Variants in RBM38 observed in about 807,000 individuals in gnomAD.
The protein encoded by RBM38 is RNA-binding protein 38.
Under a neutral mutation model 23.5 loss-of-function variants are expected in RBM38, and 11 were observed. The ratio of observed to expected loss-of-function variants is 0.47; its 90% CI spans 0.29 to 0.77. The LOEUF (loss-of-function observed/expected upper bound fraction) is 0.77, where lower values mean the gene tolerates loss of function less well. Ranked by LOEUF, RBM38 falls within the 30% of genes least tolerant of loss-of-function variation. RBM38 has a pLI of 0.08. For missense variants in RBM38, 330 were observed against 351.9 expected, an observed-to-expected ratio of 0.94 and a Z score of 0.50; for synonymous variants, 165 against 166.1, an observed-to-expected ratio of 0.99 and a Z score of 0.05.
At chr20:57,400,634 TG>T (rs2067317863) in intron 3 of RBM38, among the ~76,000 whole-genome samples, 1 of 152,156 alleles carries the variant, frequency 6.6e-6, no homozygotes, top group African/African-American at 2.4e-5. Flanking sequence ...GGGTGGCATG[TG>T]GGGGGTCTGT....
chr20:57,403,165 G>A (rs2067346544), intron 3 of RBM38, among the ~76,000 whole-genome samples: 1 of 152,218 alleles, frequency 6.6e-6, no homozygotes, highest in South Asian at 2.1e-4. Flanking sequence ...TGGGGGCACA[G>A]TTGTCCTGGT....
At chr20:57,395,446 G>T (rs969873339) in intron 3 of RBM38, among the ~76,000 whole-genome samples, 1 of 152,164 alleles carries the variant, frequency 6.6e-6, no homozygotes, top group Non-Finnish European at 1.5e-5. Flanking sequence ...GTGTGCCCCC[G>T]ACTTCAGGCG....
At chr20:57,399,214 G>A (rs1279569849) in intron 3 of RBM38, among the ~76,000 whole-genome samples, 3 of 152,224 alleles carry the variant, frequency 2.0e-5, no homozygotes, top group Non-Finnish European at 2.9e-5. Context: ...GACCCAGGGA[G>A]GCACTGCTAC....
rs549454784 is a variant in RBM38 at position 57,393,094 on chromosome 20, A to C, written c.362-185A>C. On this transcript the variant is annotated intron_variant, in intron 2 of 3. Coordinates refer to ENST00000356208, the MANE Select transcript of RBM38 (RefSeq NM_017495.6). ...ACCAGTGGCTGCTGACACCTGCGTC[A>C]CTCACTGCCACACTTCAGCGGTGTG... 2,910 of 663,752 alleles carry C rather than the reference A, an allele frequency of 4.4e-3. 16 individuals are homozygous for C. The highest frequency in any genetic ancestry group is 6.2e-3 in the South Asian group (351 of 56,622). The allele number at this position is 663,752 out of a possible 1,614,324, so 41.1% of individuals were successfully genotyped here. A position where few individuals can be genotyped will look rare whatever the true frequency, so the allele number is the denominator to read the frequency against.
At chr20:57,392,962 G>GC in intron 2 of RBM38, 185 bp downstream of exon 2, 1 of 845,140 alleles carries the variant, frequency 1.2e-6, no homozygotes, top group South Asian at 1.8e-5. Flanking sequence ...ACAGCGTGTG[G>GC]CCCAAAGAAG....
intron 1 of RBM38, chr20:57,392,185 C>T (rs907450036): frequency 3.4e-5 from 11 of 323,206 alleles, no homozygotes; most frequent in South Asian, 7.2e-5. Context: ...GTTAGGAGCT[C>T]TTCGGCCTCC....
In RBM38 at chr20:57,409,034, G is replaced by A. The variant is rs1351250168; in HGVS notation, c.*1188G>A. On this transcript the variant is annotated 3_prime_UTR_variant, in exon 4 of 4. Transcript: ENST00000356208. ...TGCCAGCCTGAGACGGTTCCTGCCT[G>A]TCTTGGGGGTTGGTGGAGGGTGGAG... 6.5e-6 allele frequency: 1 copy of A among 152,888 alleles called. No homozygotes were observed. Among genetic ancestry groups the A allele is most frequent in the Admixed American group, 6.5e-5 (1 of 15,282 alleles). The allele number at this position is 152,888 out of a possible 1,614,324, so 9.5% of individuals were successfully genotyped here. A position where few individuals can be genotyped will look rare whatever the true frequency, so the allele number is the denominator to read the frequency against.
chr20:57,392,039 C>T (rs2067223754), intron 1 of RBM38, among the ~76,000 whole-genome samples: 1 of 73,506 alleles, frequency 1.4e-5, no homozygotes, highest in African/African-American at 3.6e-5. Context: ...CACCCCCACC[C>T]CCACCCCCGG....
Position 57,391,764 on chromosome 20 carries a change from G to T in RBM38, c.183G>T (p.Glu61Asp). 1 of 1,574,208 alleles carries T rather than the reference G, an allele frequency of 6.4e-7. No homozygotes were observed. Among genetic ancestry groups the T allele is most frequent in the Middle Eastern group, 1.7e-4 (1 of 5,828 alleles). The change falls in exon 1 of 4, where the codon GAG becomes GAT. Residue 61 changes from glutamate (E) to aspartate (D), a missense_variant. Transcript: ENST00000356208. ...ACTTCGAGGGCTTCGGCGACATCGA[G>T]GAGGCCGTGGTCATCACCGACCGCC... is the stretch of plus-strand genomic sequence containing the variant. ...RKYFEGFGDIEEAVVITDRQT... is the reference protein window; with the variant it reads ...RKYFEGFGDIDEAVVITDRQT...
At chr20:57,401,326 A>G (rs892048659) in intron 3 of RBM38, among the ~76,000 whole-genome samples, 1 of 152,052 alleles carries the variant, frequency 6.6e-6, no homozygotes, top group Non-Finnish European at 1.5e-5. Context: ...CTGGTCGGGG[A>G]GCAGAGGCTG....
rs1308009580 is a variant in RBM38 at position 57,407,928 on chromosome 20, C to T, written c.*82C>T. The T allele has an allele frequency of 2.0e-6, 3 of 1,463,882 alleles. No individual in the cohort carries two copies. Among genetic ancestry groups the T allele is most frequent in the Non-Finnish European group, 2.7e-6 (3 of 1,101,926 alleles). The allele number at this position is 1,463,882 out of a possible 1,614,324, so 90.7% of individuals were successfully genotyped here. A position where few individuals can be genotyped will look rare whatever the true frequency, so the allele number is the denominator to read the frequency against. The stretch of plus-strand genomic sequence containing the variant: ...CCAGGCCATGATGGGCTGGCGACAG[C>T]CCGGCTGAGCTTCAGTGAGGTGCCA... On this transcript the variant is annotated 3_prime_UTR_variant, in exon 4 of 4. Coordinates refer to ENST00000356208, the MANE Select transcript of RBM38 (RefSeq NM_017495.6). The surrounding 1 kb of genome is among the most constrained non-coding windows in gnomAD (Gnocchi z 4.0).
chr20:57,405,032 C>G (rs181710850), intron 3 of RBM38, among the ~76,000 whole-genome samples: 3 of 152,338 alleles, frequency 2.0e-5, no homozygotes, highest in East Asian at 1.9e-4. Context: ...GACACTCAGA[C>G]TGGCGCCTGC....
At position 57,391,576 on chromosome 20, in the gene RBM38, C is replaced by A. The variant is rs1336884637; in HGVS notation, c.-6C>A. ...GCCCGGGTCCGTAGGCGGCGGGGCG[C>A]CCCCCATGCTGCTGCAGCCCGCGCC... On this transcript the variant is annotated 5_prime_UTR_variant, in exon 1 of 4. Coordinates refer to ENST00000356208, the MANE Select transcript of RBM38 (RefSeq NM_017495.6). The A allele has an allele frequency of 7.7e-6, 9 of 1,161,392 alleles. No individual in the cohort carries two copies. In the African/African-American group the frequency reaches 9.9e-5, roughly 13 times the overall value. The allele number at this position is 1,161,392 out of a possible 1,614,324, so 71.9% of individuals were successfully genotyped here.
At chr20:57,393,402 TG>T (rs2146201699) in intron 3 of RBM38, 69 bp downstream of exon 3, 1 of 1,491,226 alleles carries the variant, frequency 6.7e-7, no homozygotes, top group Non-Finnish European at 9.4e-7. Context: ...TTGGGCTTCC[TG>T]GGTCTGGAAG....
chr20:57,394,810 G>A (rs2067257950), intron 3 of RBM38, among the ~76,000 whole-genome samples: 1 of 152,210 alleles, frequency 6.6e-6, no homozygotes, highest in African/African-American at 2.4e-5. Context: ...CTGGGGGCAT[G>A]GACTGGGCGG....
chr20:57,408,068 ATGAC>A lies in RBM38; in HGVS notation c.*226_*229del, dbSNP rs2067406791. ...TGTGTCTTGAGGGAGGACTTTAAGA[ATGAC>A]TGAGAACTATTTAAAGACGCAATCC... is the stretch of plus-strand genomic sequence containing the variant. On this transcript the variant is annotated 3_prime_UTR_variant, in exon 4 of 4. Coordinates refer to ENST00000356208, the MANE Select transcript of RBM38 (RefSeq NM_017495.6). The A allele has an allele frequency of 1.6e-6, 1 of 609,716 alleles. No homozygotes were observed. The highest frequency in any genetic ancestry group is 2.9e-6 in the Non-Finnish European group (1 of 347,910). 37.8% of individuals were successfully genotyped at this position (609,716 alleles called of 1,614,324 possible).
intron 3 of RBM38, among the ~76,000 whole-genome samples, chr20:57,406,949 C>A (rs190025931): frequency 6.6e-6 from 1 of 151,382 alleles, no homozygotes; most frequent in East Asian, 1.9e-4. Flanking sequence ...AGCGGAGATC[C>A]CGCCACTGCA....
intron 3 of RBM38, among the ~76,000 whole-genome samples, chr20:57,394,329 AAT>A (rs2067252671): frequency 2.8e-5 from 1 of 35,562 alleles, no homozygotes; most frequent in East Asian, 0.012. Flanking sequence ...CTCCCAGGTG[AAT>A]GGGTCCCCTG....
chr20:57,393,661 C>A (rs965471416), intron 3 of RBM38, among the ~76,000 whole-genome samples: 3 of 152,196 alleles, frequency 2.0e-5, no homozygotes, highest in African/African-American at 7.2e-5. Context: ...TAGGGTGGGC[C>A]TGGTGCAGGT....
Sources: allele counts gnomAD v4.1 joint callset (sites outside exome capture counted in the v4.1 genomes callset), GRCh38; gene constraint gnomAD v4.1.1; non-coding constraint Gnocchi (gnomAD v3.1); transcripts MANE v1.5; gene names NCBI Gene and HGNC (gene_info 2026-07-23, HGNC 2026-07-21).